The following EPHA5 variants were observed in gnomAD, a reference collection of about 807,000 sequenced individuals.
The protein encoded by EPHA5 is ephrin type-A receptor 5.
EPHA5 carries 60 observed loss-of-function variants against 105.0 expected under a neutral mutation model. The observed-to-expected ratio is 0.57, with a 90% CI of 0.46 to 0.71. EPHA5 has a LOEUF of 0.71. Ranked by LOEUF, EPHA5 falls within the 30% of genes least tolerant of loss-of-function variation. The pLI is 0.00. For synonymous variants in EPHA5, 513 were observed against 449.1 expected (o/e 1.14, Z -1.80); for missense variants, 1,218 against 1,274.7 (o/e 0.96, Z 0.68).
At chr4:65,521,503 C>T (rs1037988238) in intron 3 of EPHA5, among the ~76,000 whole-genome samples, 1 of 151,946 alleles carries the variant, frequency 6.6e-6, no homozygotes, top group Non-Finnish European at 1.5e-5. Context: ...TCCACATGTA[C>T]CCTAGAACTT....
intron 3 of EPHA5, among the ~76,000 whole-genome samples, chr4:65,508,244 T>C (rs1250083939): frequency 6.6e-6 from 1 of 152,142 alleles, no homozygotes; most frequent in Non-Finnish European, 1.5e-5. Flanking sequence ...GTATACATTA[T>C]TTTAGACTCA....
At chr4:65,365,893 A>G (rs1717859711) in intron 10 of EPHA5, 39 bp downstream of exon 10, 4 of 1,586,438 alleles carry the variant, frequency 2.5e-6, no homozygotes, top group Non-Finnish European at 2.6e-6. Flanking sequence ...CTGGAATGCA[A>G]ACAAAAGTTA....
intron 1 of EPHA5, among the ~76,000 whole-genome samples, chr4:65,643,838 T>C (rs557842688): frequency 6.6e-6 from 1 of 152,050 alleles, no homozygotes; most frequent in Non-Finnish European, 1.5e-5. Context: ...TATTTTCTTC[T>C]GGAAAGCTGT....
intron 5 of EPHA5, among the ~76,000 whole-genome samples, chr4:65,481,596 T>G (rs1161491138): frequency 1.3e-5 from 2 of 152,196 alleles, no homozygotes; most frequent in Non-Finnish European, 2.9e-5. Context: ...CCAAATCTAT[T>G]ATTTCATTTG....
intron 5 of EPHA5, among the ~76,000 whole-genome samples, chr4:65,423,277 C>A (rs1188475673): frequency 6.6e-6 from 1 of 151,984 alleles, no homozygotes; most frequent in Non-Finnish European, 1.5e-5. Flanking sequence ...TACCTATCAT[C>A]ACCGTTATGT....
At chr4:65,365,311 A>T (rs1323719198) in intron 10 of EPHA5, 109 bp from the exon 11 acceptor site, 2 of 809,512 alleles carry the variant, frequency 2.5e-6, no homozygotes, top group East Asian at 5.3e-5. Context: ...ACAAACAAAC[A>T]AACAAACAAA....
intron 15 of EPHA5, among the ~76,000 whole-genome samples, chr4:65,335,448 A>T (rs1447999438): frequency 1.3e-5 from 2 of 152,056 alleles, no homozygotes; most frequent in Admixed American, 1.3e-4. Flanking sequence ...ATCTGTGTGC[A>T]ACTGGATAAG....
At chr4:65,351,693 A>G (rs1191873202) in intron 12 of EPHA5, 95 bp from the exon 13 acceptor site, 1 of 1,078,718 alleles carries the variant, frequency 9.3e-7, no homozygotes, top group Non-Finnish European at 1.4e-6. Context: ...TGATACTATC[A>G]GTCGCTAAAA....
chr4:65,370,123 T>C (rs1235419230), intron 8 of EPHA5, among the ~76,000 whole-genome samples: 1 of 152,166 alleles, frequency 6.6e-6, no homozygotes, highest in Non-Finnish European at 1.5e-5. Flanking sequence ...AGGGATCTCA[T>C]GGCTTCAAAT....
At chr4:65,375,115 G>A (rs968470102) in intron 8 of EPHA5, among the ~76,000 whole-genome samples, 4 of 151,772 alleles carry the variant, frequency 2.6e-5, no homozygotes, top group African/African-American at 4.8e-5. Context: ...AAATTTTGGA[G>A]AACTTTTTTA....
chr4:65,414,281 T>C lies in EPHA5; in HGVS notation c.1687+3A>G. On this transcript the variant is annotated splice_donor_region_variant and intron_variant, in intron 7 of 16. Transcript: ENST00000613740. ...TGAGCTGACAGTAATTAAAATGACTTACACACTGGGGTGGTTTCAAACTCA... is the reference window on the plus strand; with the variant it reads ...TGAGCTGACAGTAATTAAAATGACTCACACACTGGGGTGGTTTCAAACTCA... The C allele has an allele frequency of 6.2e-7, 1 of 1,613,566 alleles. No homozygotes were observed. The highest frequency in any genetic ancestry group is 8.5e-7 in the Non-Finnish European group (1 of 1,179,620).
intron 3 of EPHA5, among the ~76,000 whole-genome samples, chr4:65,519,107 C>T (rs1448432460): frequency 6.6e-6 from 1 of 152,050 alleles, no homozygotes; most frequent in Non-Finnish European, 1.5e-5. Context: ...CATCAAAAAG[C>T]TTATCCACCA....
chr4:65,563,312 T>C (rs1003042571), intron 3 of EPHA5, among the ~76,000 whole-genome samples: 1 of 152,062 alleles, frequency 6.6e-6, no homozygotes, highest in Non-Finnish European at 1.5e-5. Flanking sequence ...AATATTTACA[T>C]TTTAAGAGAA....
At chr4:65,530,997 TTTTTTTTTATTTTTTTTA>T (rs879813245) in intron 3 of EPHA5, among the ~76,000 whole-genome samples, 5 of 111,062 alleles carry the variant, frequency 4.5e-5, no homozygotes, top group East Asian at 2.3e-4. Context: ...GCTGGATGGA[TTTTTTTTTATTTTTTTTA>T]TTTTTTTTAT....
chr4:65,459,015 G>A (rs1463658657), intron 5 of EPHA5, among the ~76,000 whole-genome samples: 2 of 151,952 alleles, frequency 1.3e-5, no homozygotes, highest in Non-Finnish European at 1.5e-5. Flanking sequence ...TTTTTTGAGA[G>A]TAAGAATCAA....
chr4:65,379,638 C>T (rs17752325), intron 8 of EPHA5, among the ~76,000 whole-genome samples: 14,812 of 151,534 alleles, frequency 0.098, 996 homozygotes, highest in Admixed American at 0.18. Flanking sequence ...AGCTATTACT[C>T]TTAATTTTAT....
chr4:65,644,856 A>G (rs1354262415), intron 1 of EPHA5, among the ~76,000 whole-genome samples: 1 of 152,016 alleles, frequency 6.6e-6, no homozygotes, highest in Non-Finnish European at 1.5e-5. Flanking sequence ...TTACCTATAT[A>G]TACACATATA....
intron 7 of EPHA5, among the ~76,000 whole-genome samples, chr4:65,406,955 G>T (rs1483401881): frequency 2.6e-5 from 4 of 151,702 alleles, no homozygotes; most frequent in African/African-American, 9.7e-5. Flanking sequence ...TTAATTATCA[G>T]ATACTATTGT....
intron 3 of EPHA5, among the ~76,000 whole-genome samples, chr4:65,523,348 A>G (rs191883472): frequency 4.5e-4 from 68 of 152,068 alleles, no homozygotes; most frequent in Admixed American, 3.1e-3. Flanking sequence ...GCAGAAGACT[A>G]TAACAACAAA....
Sources: gnomAD v4.1 joint callset for allele counts (sites outside exome capture counted in the v4.1 genomes callset) on GRCh38, gnomAD v4.1.1 for gene constraint, MANE v1.5 for transcripts, NCBI Gene and HGNC (gene_info 2026-07-23, HGNC 2026-07-21) for gene names.